The following PKD1 variants were observed in gnomAD, a reference collection of about 807,000 sequenced individuals.
PKD1 encodes the protein polycystin-1.
In PKD1, 81 loss-of-function variants were observed where a neutral mutation model predicts 361.7. The observed-to-expected ratio is 0.22, with a 90% CI of 0.19 to 0.27. PKD1 has a LOEUF of 0.27. Among genes scored for constraint, PKD1 ranks in the 10% least tolerant of loss-of-function variants. PKD1 has a pLI of 1.00. For missense variants in PKD1, 6,399 were observed against 6,118.3 expected, an observed-to-expected ratio of 1.05 and a Z score of -1.53; for synonymous variants, 3,615 against 2,818.3, an observed-to-expected ratio of 1.28 and a Z score of -8.95.
At chr16:2,130,694 G>C (rs926628758) in intron 1 of PKD1, among the ~76,000 whole-genome samples, 2 of 152,308 alleles carry the variant, frequency 1.3e-5, no homozygotes, top group Admixed American at 6.5e-5. Context: ...CCTAGGGGTC[G>C]CTCCAGAATG....
In PKD1 at chr16:2,090,396, GT is replaced by G; in HGVS notation, c.12332del (p.His4111ProfsTer87). 1 of 1,612,686 alleles carries G rather than the reference GT, an allele frequency of 6.2e-7. No individual in the cohort carries two copies. Among genetic ancestry groups the G allele is most frequent in the Non-Finnish European group, 8.5e-7 (1 of 1,179,924 alleles). On this transcript the variant is annotated frameshift_variant, in exon 45 of 46. Coordinates refer to ENST00000262304, the MANE Select transcript of PKD1 (RefSeq NM_001009944.3). LOFTEE classifies it high-confidence loss of function. ...LGAVILRWRYHALRGELYRPA... is the reference protein window; with the variant it reads ...LGAVILRWRYXALRGELYRPA... ...GCCGGTACAGCTCTCCACGCAAGGC[GT>G]GGTAGCGCCAGCGGAGAATAACAGC...
chr16:2,090,850 C>T (rs1429287681), intron 43 of PKD1, 34 bp downstream of exon 43: 3 of 1,608,986 alleles, frequency 1.9e-6, no homozygotes, highest in South Asian at 1.1e-5. Flanking sequence ...CTGGGGTGTG[C>T]GCCCAGCCCC....
At chr16:2,113,681 G>C in intron 11 of PKD1, 1 of 383,298 alleles carries the variant, frequency 2.6e-6, no homozygotes, top group South Asian at 2.5e-5. Flanking sequence ...CCCAGGACAG[G>C]CTGCACAGGT....
At chr16:2,101,082 T>C (rs1470023011) in intron 26 of PKD1, among the ~76,000 whole-genome samples, 2 of 151,810 alleles carry the variant, frequency 1.3e-5, no homozygotes, top group Non-Finnish European at 2.9e-5. Context: ...GCCTCCCGGG[T>C]TCACGCCATT....
rs11643513 is a variant in PKD1 at position 2,117,969 on chromosome 16, G to A, written c.1023C>T (p.Ala341=). 0.043 allele frequency: 66,476 copies of A among 1,538,560 alleles called. 1,555 individuals carry two copies. Among genetic ancestry groups the A allele is most frequent in the Admixed American group, 0.11 (6,288 of 55,864 alleles). Reference sequence around the variant, plus strand: ...CGTCTGTCCCCAGCAGGGCTGAGCCGGCCCCCAGGGCCAGCACGGCCGTCA... The same window carrying A: ...CGTCTGTCCCCAGCAGGGCTGAGCCAGCCCCCAGGGCCAGCACGGCCGTCA... ...YHVTAVLALG[A]GSALLGTDVQ... is the part of the protein sequence containing the mutation. The change falls in exon 5 of 46, where the codon GCC becomes GCT. Residue 341 remains alanine, a synonymous_variant. Transcript: ENST00000262304.
At chr16:2,117,246 G>A (rs572768278) in intron 6 of PKD1, among the ~76,000 whole-genome samples, 193 bp from the exon 7 acceptor site, 5 of 152,312 alleles carry the variant, frequency 3.3e-5, no homozygotes, top group Non-Finnish European at 7.4e-5. Context: ...GTACCGGCAG[G>A]GATCCCCGTG....
Position 2,100,988 on chromosome 16 carries a change from T to C in PKD1, c.9398-422A>G, listed in dbSNP as rs2092073134. Among the ~76,000 whole-genome samples, 1 of 152,006 alleles carries C rather than the reference T, an allele frequency of 6.6e-6. No individual in the cohort carries two copies. Among genetic ancestry groups the C allele is most frequent in the South Asian group, 2.1e-4 (1 of 4,808 alleles). On this transcript the variant is annotated intron_variant, in intron 26 of 45. Coordinates refer to ENST00000262304, the MANE Select transcript of PKD1 (RefSeq NM_001009944.3). This position sits in a 1 kb window ranked among gnomAD's most constrained non-coding sequence, Gnocchi z 4.4. Reference sequence around the variant, plus strand: ...GTGACAGACCCAGGTGACAGTATTTTTTTTCTTTTTTTTTTGAGATGGAGT... The same window carrying C: ...GTGACAGACCCAGGTGACAGTATTTCTTTTCTTTTTTTTTTGAGATGGAGT...
At position 2,105,778 on chromosome 16, in the gene PKD1, C is replaced by A; in HGVS notation, c.7863+87G>T. 4 of 1,439,866 alleles carry A rather than the reference C, an allele frequency of 2.8e-6. No homozygotes were observed. In the African/African-American group the frequency reaches 5.6e-5, roughly 20 times the overall value. 89.2% of individuals were successfully genotyped at this position (1,439,866 alleles called of 1,614,324 possible). A position where few individuals can be genotyped will look rare whatever the true frequency, so the allele number is the denominator to read the frequency against. ...TTTATCTCTGGGGCCCGGGATGAGC[C>A]CTCTGCAAAGCTCCAGGCAGGGGTA... is the stretch of plus-strand genomic sequence containing the variant. On this transcript the variant is annotated intron_variant, in intron 20 of 45. Coordinates refer to ENST00000262304, the MANE Select transcript of PKD1 (RefSeq NM_001009944.3).
intron 1 of PKD1, among the ~76,000 whole-genome samples, chr16:2,125,152 G>A (rs186313899): frequency 6.6e-6 from 1 of 152,338 alleles, no homozygotes; most frequent in Non-Finnish European, 1.5e-5. Flanking sequence ...CGGCTTCCAG[G>A]GCCGGAAATG....
intron 1 of PKD1, among the ~76,000 whole-genome samples, chr16:2,127,332 A>G (rs1396961464): frequency 2.6e-5 from 4 of 152,210 alleles, no homozygotes; most frequent in Admixed American, 2.6e-4. Flanking sequence ...GAACGCGTCA[A>G]AAGGCACCAA....
chr16:2,103,058 G>A (rs2092163402), intron 23 of PKD1, 88 bp from the exon 24 acceptor site: 3 of 1,466,690 alleles, frequency 2.0e-6, no homozygotes, highest in East Asian at 2.3e-5. Context: ...CCCACCCTCT[G>A]CCACGGGCCT....
rs767369611 is a variant in PKD1, at chr16:2,103,771, G to A, written c.8286C>T (p.Ile2762=). 35 of 1,609,814 alleles carry A rather than the reference G, an allele frequency of 2.2e-5. No individual in the cohort carries two copies. The highest frequency in any genetic ancestry group is 4.0e-5 in the African/African-American group (3 of 74,754). Residue 2762 remains isoleucine (I), a synonymous_variant, in exon 23 of 46, where the codon ATC becomes ATT. Transcript: ENST00000262304. The part of the protein sequence containing the change: ...AYNLTSALMR[I]LMRSRVLNEE... Reference sequence around the variant, plus strand: ...CGTTGAGCACGCGGGAGCGCATGAGGATGCGCATGAGGGCAGAGGTCAGGT... The same window carrying A: ...CGTTGAGCACGCGGGAGCGCATGAGAATGCGCATGAGGGCAGAGGTCAGGT...
At chr16:2,096,023 TCATAC>T (rs2091832099) in intron 34 of PKD1, among the ~76,000 whole-genome samples, 1 of 152,242 alleles carries the variant, frequency 6.6e-6, no homozygotes, top group African/African-American at 2.4e-5. Flanking sequence ...CAGGGGCAGT[TCATAC>T]CTCTTTAGTT....
At chr16:2,094,353 A>G in intron 34 of PKD1, 143 bp from the exon 35 acceptor site, 2 of 683,084 alleles carry the variant, frequency 2.9e-6, no homozygotes, top group Middle Eastern at 3.7e-4. Flanking sequence ...CCCTACCCCA[A>G]ACGAGAGTGG....
chr16:2,117,185 C>G, intron 6 of PKD1, 132 bp from the exon 7 acceptor site: 1 of 646,078 alleles, frequency 1.5e-6, no homozygotes, highest in Non-Finnish European at 2.7e-6. Flanking sequence ...GCCCGGAGAC[C>G]AGGGCCCACC....
At chr16:2,101,879 C>T in intron 26 of PKD1, 182 bp downstream of exon 26, 2 of 637,024 alleles carry the variant, frequency 3.1e-6, no homozygotes, top group South Asian at 3.5e-5. Context: ...TAGGAGCTGT[C>T]CTAGTCCTCA....
At chr16:2,112,553 C>A in intron 13 of PKD1, 80 bp from the exon 14 acceptor site, 6 of 1,320,074 alleles carry the variant, frequency 4.5e-6, no homozygotes, top group Non-Finnish European at 6.3e-6. Flanking sequence ...GGGACCCAGC[C>A]GAGGCTCCAC....
rs887693328 is a variant in PKD1 at position 2,135,117 on chromosome 16, C to A, written c.215+358G>T. 124 of 980,094 alleles carry A rather than the reference C, an allele frequency of 1.3e-4. 1 individual carries two copies. Among genetic ancestry groups the A allele is most frequent in the Non-Finnish European group, 1.4e-4 (118 of 825,008 alleles). 60.7% of individuals were successfully genotyped at this position (980,094 alleles called of 1,614,324 possible). A position where few individuals can be genotyped will look rare whatever the true frequency, so the allele number is the denominator to read the frequency against. On this transcript the variant is annotated intron_variant, in intron 1 of 45. Transcript: ENST00000262304. ...CTCCTGGAACTCTTCCCTGCCGCCCCCTACAGCCATCCCCACCTCTCCGGG... is the reference window on the plus strand; with the variant it reads ...CTCCTGGAACTCTTCCCTGCCGCCCACTACAGCCATCCCCACCTCTCCGGG...
Position 2,111,340 on chromosome 16 carries a change from G to C in PKD1, c.3827C>G (p.Ala1276Gly), listed in dbSNP as rs776429943. 6.2e-7 allele frequency: 1 copy of C among 1,608,600 alleles called. No homozygotes were observed. The highest frequency in any genetic ancestry group is 1.7e-5 in the Admixed American group (1 of 59,900). The change falls in exon 15 of 46, where the codon GCG (alanine) becomes GGG (glycine). Residue 1276 changes from alanine to glycine, a missense_variant. Ala to Gly is a moderately conservative substitution (Grantham distance 60, BLOSUM62 0). Transcript: ENST00000262304. The stretch of plus-strand genomic sequence containing the variant: ...GGCCAGGTGGCCGGCGGGGCTGGCC[G>C]CACCCACGGTCACTGTGCAGTTCTG... ...RAQNCTVTVG[A>G]ASPAGHLARS...
Sources: gnomAD v4.1 joint callset for allele counts (sites outside exome capture counted in the v4.1 genomes callset) on GRCh38, gnomAD v4.1.1 for gene constraint, Gnocchi (gnomAD v3.1) non-coding constraint, MANE v1.5 for transcripts, NCBI Gene and HGNC (gene_info 2026-07-23, HGNC 2026-07-21) for gene names.